The following ELP3 variants were observed in gnomAD, a reference collection of about 807,000 sequenced individuals.
ELP3 encodes elongator complex protein 3.
Under a neutral mutation model 74.9 loss-of-function variants are expected in ELP3, and 56 were observed. The observed-to-expected ratio is 0.75, with a 90% CI of 0.60 to 0.93. The LOEUF (loss-of-function observed/expected upper bound fraction) is 0.93, where lower values mean the gene tolerates loss of function less well. Among genes scored for constraint, ELP3 ranks in the 40% least tolerant of loss-of-function variants. The pLI, the probability that ELP3 is intolerant of heterozygous loss-of-function variation, is 0.00. For missense variants in ELP3, 573 were observed against 686.5 expected (o/e 0.83, Z 1.85); for synonymous variants, 222 against 239.8 (o/e 0.93, Z 0.68).
chr8:28,106,816 T>C (rs772445006), intron 4 of ELP3, 33 bp downstream of exon 4: 3 of 1,559,682 alleles, frequency 1.9e-6, no homozygotes, highest in South Asian at 1.1e-5. Context: ...ATTGTATGTA[T>C]GTTTTAATTA....
chr8:28,146,827 C>T (rs142164683), intron 10 of ELP3, among the ~76,000 whole-genome samples: 51 of 152,314 alleles, frequency 3.3e-4, no homozygotes, highest in African/African-American at 1.2e-3. Flanking sequence ...ACTCGCAGCA[C>T]GATACTACCA....
chr8:28,096,422 A>G (rs1250352289), intron 1 of ELP3, among the ~76,000 whole-genome samples: 2 of 152,246 alleles, frequency 1.3e-5, no homozygotes, highest in Non-Finnish European at 2.9e-5. Context: ...CCACTGCTCT[A>G]CAGGTGAGAA....
chr8:28,114,115 T>C (rs557443426), intron 7 of ELP3, among the ~76,000 whole-genome samples: 1 of 151,894 alleles, frequency 6.6e-6, no homozygotes, highest in African/African-American at 2.4e-5. Context: ...CTATTTTCCT[T>C]ATTTAACAAA....
intron 10 of ELP3, among the ~76,000 whole-genome samples, chr8:28,152,866 G>GT (rs1813695256): frequency 6.6e-6 from 1 of 152,176 alleles, no homozygotes; most frequent in South Asian, 2.1e-4. Flanking sequence ...TATTCTAACA[G>GT]TTGTGTAGTT....
intron 8 of ELP3, 98 bp downstream of exon 8, chr8:28,129,761 G>A (rs1812721167): frequency 7.1e-7 from 1 of 1,404,750 alleles, no homozygotes; most frequent in African/African-American, 1.4e-5. Flanking sequence ...CCACTCTTAG[G>A]GAAAGAAGTA....
intron 5 of ELP3, among the ~76,000 whole-genome samples, chr8:28,109,681 A>G (rs1811836261): frequency 6.6e-6 from 1 of 152,224 alleles, no homozygotes; most frequent in South Asian, 2.1e-4. Flanking sequence ...TGATACACCT[A>G]GGCTGAATTA....
At chr8:28,101,718 G>A (rs1811497524) in intron 3 of ELP3, among the ~76,000 whole-genome samples, 1 of 151,924 alleles carries the variant, frequency 6.6e-6, no homozygotes, top group Non-Finnish European at 1.5e-5. Context: ...GCCTCCCAAG[G>A]AGCTGGGATT....
chr8:28,142,209 G>A (rs551443297), intron 10 of ELP3, among the ~76,000 whole-genome samples: 93 of 152,272 alleles, frequency 6.1e-4, no homozygotes, highest in African/African-American at 2.1e-3. Context: ...ACACTTATAT[G>A]ATACAACCGA....
intron 14 of ELP3, among the ~76,000 whole-genome samples, chr8:28,162,598 G>T (rs1814147349): frequency 6.6e-6 from 1 of 152,094 alleles, no homozygotes; most frequent in Admixed American, 6.5e-5. Flanking sequence ...GCCCTCTTAG[G>T]GTCCCTGGCT....
intron 7 of ELP3, among the ~76,000 whole-genome samples, chr8:28,123,954 T>C (rs1028397880): frequency 1.3e-5 from 2 of 151,912 alleles, no homozygotes; most frequent in African/African-American, 4.9e-5. Context: ...TTTTTTTTTT[T>C]ATCCATTTTG....
chr8:28,121,675 T>G lies in ELP3; in HGVS notation c.618-7827T>G, dbSNP rs188450808. ...TAATATATATACATACGGTTGATTTTTATATATTAATGTTATGTCATAAGA... is the reference window on the plus strand; with the variant it reads ...TAATATATATACATACGGTTGATTTGTATATATTAATGTTATGTCATAAGA... On this transcript the variant is annotated intron_variant, in intron 7 of 14. Transcript: ENST00000256398. 2.0e-5 allele frequency among the ~76,000 whole-genome samples: 3 copies of G among 152,354 alleles called. No homozygotes were observed. The East Asian group carries it at 5.8e-4, about 29-fold the overall frequency.
intron 12 of ELP3, among the ~76,000 whole-genome samples, chr8:28,158,999 G>T (rs1813958305): frequency 6.6e-6 from 1 of 152,168 alleles, no homozygotes; most frequent in Admixed American, 6.5e-5. Context: ...AAATTCAATT[G>T]TAAATAGTCC....
intron 12 of ELP3, among the ~76,000 whole-genome samples, chr8:28,159,531 C>T (rs555105337): frequency 5.7e-4 from 87 of 152,280 alleles, no homozygotes; most frequent in African/African-American, 1.9e-3. Flanking sequence ...ATACTTTTCT[C>T]TGTGCGTGCA....
intron 7 of ELP3, among the ~76,000 whole-genome samples, chr8:28,125,602 GGTTGGGCC>G (rs910275086): frequency 2.0e-5 from 3 of 152,160 alleles, no homozygotes; most frequent in Admixed American, 6.5e-5. Flanking sequence ...GTGTCCCCCT[GGTTGGGCC>G]CTTAGTGCAA....
intron 7 of ELP3, 200 bp from the exon 8 acceptor site, chr8:28,129,302 G>A (rs1812701833): frequency 9.0e-6 from 5 of 558,550 alleles, no homozygotes; most frequent in Admixed American, 3.0e-5. Flanking sequence ...TAAAGGAACC[G>A]AAGCACAGAG....
chr8:28,175,810 CTT>C (rs56901616), intron 14 of ELP3, among the ~76,000 whole-genome samples: 1 of 78,244 alleles, frequency 1.3e-5, no homozygotes, highest in Non-Finnish European at 2.3e-5. Flanking sequence ...TGTCTAGTGA[CTT>C]TTTTTTTTTT....
chr8:28,189,329 G>A (rs1254554586), intron 14 of ELP3, among the ~76,000 whole-genome samples: 3 of 152,240 alleles, frequency 2.0e-5, no homozygotes, highest in Non-Finnish European at 4.4e-5. Flanking sequence ...GGTGCCTGGT[G>A]TTGCCAGTAG....
chr8:28,136,383 A>G (rs1010197260), intron 9 of ELP3, among the ~76,000 whole-genome samples: 1 of 152,216 alleles, frequency 6.6e-6, no homozygotes, highest in African/African-American at 2.4e-5. Flanking sequence ...ATCAGCCTGT[A>G]TGTCTCCGAA....
intron 10 of ELP3, among the ~76,000 whole-genome samples, chr8:28,148,269 G>A (rs953520605): frequency 2.0e-5 from 3 of 152,212 alleles, no homozygotes; most frequent in Non-Finnish European, 2.9e-5. Flanking sequence ...GTAGTTGTAG[G>A]TTTGATGAGG....
Sources: allele counts gnomAD v4.1 joint callset (sites outside exome capture counted in the v4.1 genomes callset), GRCh38; gene constraint gnomAD v4.1.1; transcripts MANE v1.5; gene names NCBI Gene and HGNC (gene_info 2026-07-23, HGNC 2026-07-21).